SH3RF3: variants seen among roughly 807,000 people sequenced by gnomAD.
SH3RF3 encodes SH3 domain containing ring finger 3, also known as E3 ubiquitin-protein ligase SH3RF3.
SH3RF3 carries 29 observed loss-of-function variants against 66.3 expected under a neutral mutation model. The ratio of observed to expected loss-of-function variants is 0.44; its 90% CI spans 0.33 to 0.60. SH3RF3 has a LOEUF of 0.60. Among genes scored for constraint, SH3RF3 ranks in the 20% least tolerant of loss-of-function variants. SH3RF3 has a pLI of 0.04. For synonymous variants in SH3RF3, 583 were observed against 532.0 expected, an observed-to-expected ratio of 1.10 and a Z score of -1.32; for missense variants, 1,194 against 1,190.9, an observed-to-expected ratio of 1.00 and a Z score of -0.04.
rs1203902499 is a variant in SH3RF3 at position 109,434,796 on chromosome 2, GT to G, written c.1575-2094del. 4.6e-5 allele frequency among the ~76,000 whole-genome samples: 7 copies of G among 152,350 alleles called. No individual in the cohort carries two copies. The East Asian group carries it at 9.6e-4, about 21-fold the overall frequency. On this transcript the variant is annotated intron_variant, in intron 6 of 9. Coordinates refer to ENST00000309415, the MANE Select transcript of SH3RF3 (RefSeq NM_001099289.3). ...GGCCGCAATAGCCATCTCCAGCCTTGTTTACCTGGCTCCTTGCATACCATGT... is the reference window on the plus strand; with the variant it reads ...GGCCGCAATAGCCATCTCCAGCCTTGTTACCTGGCTCCTTGCATACCATGT...
intron 1 of SH3RF3, among the ~76,000 whole-genome samples, chr2:109,274,635 G>A (rs987538495): frequency 2.0e-5 from 3 of 152,284 alleles, no homozygotes; most frequent in African/African-American, 4.8e-5. Context: ...GAGAAGAGGC[G>A]GCAATGGAGC....
chr2:109,361,592 G>C (rs1234606781), intron 2 of SH3RF3, among the ~76,000 whole-genome samples: 2 of 152,086 alleles, frequency 1.3e-5, no homozygotes, highest in Non-Finnish European at 2.9e-5. Context: ...TCCTGCCTCA[G>C]CCTCCCAAGT....
At chr2:109,428,148 G>A (rs1398294636) in intron 5 of SH3RF3, among the ~76,000 whole-genome samples, 2 of 152,220 alleles carry the variant, frequency 1.3e-5, no homozygotes, top group East Asian at 3.9e-4. Flanking sequence ...TCCCTAATTC[G>A]AGCCAGCGTG....
intron 8 of SH3RF3, among the ~76,000 whole-genome samples, chr2:109,484,267 A>G (rs1029957500): frequency 1.3e-5 from 2 of 151,946 alleles, no homozygotes; most frequent in African/African-American, 4.8e-5. Flanking sequence ...GGGTTTCACC[A>G]TGTTGGCCAG....
At chr2:109,193,844 G>A (rs933312883) in intron 1 of SH3RF3, among the ~76,000 whole-genome samples, 4 of 152,144 alleles carry the variant, frequency 2.6e-5, no homozygotes, top group African/African-American at 7.2e-5. Flanking sequence ...TTTAAGTCTC[G>A]TCTAGCCCCG....
intron 7 of SH3RF3, among the ~76,000 whole-genome samples, chr2:109,443,994 G>T (rs866242409): frequency 6.6e-6 from 1 of 152,162 alleles, no homozygotes; most frequent in Non-Finnish European, 1.5e-5. Context: ...ACTGGGCCAT[G>T]ATATTTTTAA....
intron 1 of SH3RF3, among the ~76,000 whole-genome samples, chr2:109,144,189 T>C (rs1048031604): frequency 6.6e-6 from 1 of 152,248 alleles, no homozygotes; most frequent in Non-Finnish European, 1.5e-5. Flanking sequence ...AGAATAGATT[T>C]TAAGTATTTT....
chr2:109,306,605 G>A (rs189989274), intron 1 of SH3RF3, among the ~76,000 whole-genome samples: 5 of 152,182 alleles, frequency 3.3e-5, no homozygotes, highest in Admixed American at 6.5e-5. Flanking sequence ...TGCCATGGCC[G>A]CAACCCACTG....
chr2:109,172,788 G>A (rs1161173257), intron 1 of SH3RF3, among the ~76,000 whole-genome samples: 3 of 152,228 alleles, frequency 2.0e-5, no homozygotes, highest in Admixed American at 6.5e-5. Context: ...TGTGGGTTAC[G>A]GAAGTGGTCT....
intron 1 of SH3RF3, among the ~76,000 whole-genome samples, chr2:109,344,683 G>T (rs1682644196): frequency 6.6e-6 from 1 of 152,218 alleles, no homozygotes; most frequent in South Asian, 2.1e-4. Context: ...GTGGGAGGGT[G>T]CACAGCCCTC....
intron 1 of SH3RF3, among the ~76,000 whole-genome samples, chr2:109,191,058 A>G (rs1167699417): frequency 6.6e-6 from 1 of 152,090 alleles, no homozygotes; most frequent in Non-Finnish European, 1.5e-5. Flanking sequence ...CAAAGAGTCT[A>G]ACCTCCTCTG....
chr2:109,449,218 C>T lies in SH3RF3; in HGVS notation c.1877C>T (p.Ser626Leu). ...QAQDRPTATV[S>L]PLRTQNSPSR... ...CAGGACCGGCCAACTGCCACCGTGTCACCCCTGCGCACCCAGAACTCTCCA... is the reference window on the plus strand; with the variant it reads ...CAGGACCGGCCAACTGCCACCGTGTTACCCCTGCGCACCCAGAACTCTCCA... The change falls in exon 8 of 10, where the codon TCA (serine) becomes TTA (leucine). Residue 626 changes from serine to leucine, a missense_variant. Transcript: ENST00000309415. The T allele has an allele frequency of 6.2e-7, 1 of 1,613,586 alleles. No homozygotes were observed. The highest frequency in any genetic ancestry group is 8.5e-7 in the Non-Finnish European group (1 of 1,179,790).
In SH3RF3 at chr2:109,398,550, A is replaced by G. The variant is rs1381907944; in HGVS notation, c.946-40A>G. 5 of 1,498,942 alleles carry G rather than the reference A, an allele frequency of 3.3e-6. No individual in the cohort carries two copies. In the Admixed American group the frequency reaches 6.0e-5, roughly 18 times the overall value. 92.9% of individuals were successfully genotyped at this position (1,498,942 alleles called of 1,614,324 possible). A position where few individuals can be genotyped will look rare whatever the true frequency, so the allele number is the denominator to read the frequency against. ...CAGAGGGCTGGTGTGGCATGTGACC[A>G]TGATTTAATGCAGCCTCCCCTCTCC... On this transcript the variant is annotated intron_variant, in intron 3 of 9. Coordinates refer to ENST00000309415, the MANE Select transcript of SH3RF3 (RefSeq NM_001099289.3).
At chr2:109,168,086 C>T (rs573356579) in intron 1 of SH3RF3, among the ~76,000 whole-genome samples, 2 of 152,298 alleles carry the variant, frequency 1.3e-5, no homozygotes, top group African/African-American at 4.8e-5. Context: ...ATCCTACACA[C>T]CCAATTAAGA....
chr2:109,145,593 G>T (rs1482302346), intron 1 of SH3RF3, among the ~76,000 whole-genome samples: 5 of 152,184 alleles, frequency 3.3e-5, no homozygotes, highest in Admixed American at 6.5e-5. Context: ...TGCACGCATG[G>T]TCGAGCGACC....
intron 1 of SH3RF3, among the ~76,000 whole-genome samples, chr2:109,174,470 C>G (rs995156846): frequency 5.3e-5 from 8 of 152,172 alleles, no homozygotes; most frequent in South Asian, 4.1e-4. Flanking sequence ...GAGTAGGCAC[C>G]AGGCCACACT....
intron 1 of SH3RF3, among the ~76,000 whole-genome samples, chr2:109,228,836 A>G (rs900564512): frequency 2.0e-5 from 3 of 151,974 alleles, no homozygotes; most frequent in South Asian, 4.2e-4. Context: ...CCAAACTCCA[A>G]CTTGTAGGGA....
intron 3 of SH3RF3, among the ~76,000 whole-genome samples, chr2:109,383,365 G>A (rs913838743): frequency 3.9e-5 from 6 of 152,172 alleles, no homozygotes; most frequent in African/African-American, 1.4e-4. Context: ...TCTTTGCAGG[G>A]AGATCTATCC....
At chr2:109,483,935 C>T (rs1336500547) in intron 8 of SH3RF3, among the ~76,000 whole-genome samples, 1 of 152,130 alleles carries the variant, frequency 6.6e-6, no homozygotes, top group Non-Finnish European at 1.5e-5. Flanking sequence ...GCCTTCAAGC[C>T]CCCCACAACC....
Sources: allele counts gnomAD v4.1 joint callset (sites outside exome capture counted in the v4.1 genomes callset), GRCh38; gene constraint gnomAD v4.1.1; transcripts MANE v1.5; gene names NCBI Gene and HGNC (gene_info 2026-07-23, HGNC 2026-07-21).